The following HS6ST3 variants were observed in gnomAD, a reference collection of about 807,000 sequenced individuals.
HS6ST3 encodes heparan sulfate 6-O-sulfotransferase 3.
A neutral mutation model predicts 36.7 loss-of-function variants in HS6ST3; 12 were observed. The ratio of observed to expected loss-of-function variants is 0.33; its 90% CI spans 0.21 to 0.53. The LOEUF is 0.53. HS6ST3 is among the 20% of genes least tolerant of loss of function. HS6ST3 has a pLI of 0.95. For synonymous variants in HS6ST3, 240 were observed against 257.5 expected (o/e 0.93, Z 0.65); for missense variants, 584 against 640.9 (o/e 0.91, Z 0.96).
Position 96,132,742 on chromosome 13 carries a change from G to A in HS6ST3, c.707+41173G>A, listed in dbSNP as rs142044117. On this transcript the variant is annotated intron_variant, in intron 1 of 1. Transcript: ENST00000376705. ...TATTAATTTATACTCCCCATCAATA[G>A]TGTACAGGTGTCCCTTTTTCTCCAC... Among the ~76,000 whole-genome samples, 564 of 152,218 alleles carry A rather than the reference G, an allele frequency of 3.7e-3. 3 individuals are homozygous for A. Among genetic ancestry groups the A allele is most frequent in the African/African-American group, 0.013 (543 of 41,534 alleles).
chr13:96,515,954 C>T (rs9516715), intron 1 of HS6ST3, among the ~76,000 whole-genome samples: 1 of 152,158 alleles, frequency 6.6e-6, no homozygotes, highest in Admixed American at 6.5e-5. Flanking sequence ...TAGACTCCTA[C>T]TGAAATTCTG....
In HS6ST3 at chr13:96,815,670, A is replaced by G. The variant is rs147971457; in HGVS notation, c.708-16820A>G. On this transcript the variant is annotated intron_variant, in intron 1 of 1. Coordinates refer to ENST00000376705, the MANE Select transcript of HS6ST3 (RefSeq NM_153456.4). ...GAGAGCAGTTGTCTGATAAAATACTATTGTGACCAGATGCACTACGAAAGG... is the reference window on the plus strand; with the variant it reads ...GAGAGCAGTTGTCTGATAAAATACTGTTGTGACCAGATGCACTACGAAAGG... Among the ~76,000 whole-genome samples, 12 of 152,250 alleles carry G rather than the reference A, an allele frequency of 7.9e-5. No homozygotes were observed. In the East Asian group the frequency reaches 1.5e-3, roughly 20 times the overall value.
chr13:96,117,378 C>T (rs1281478651), intron 1 of HS6ST3, among the ~76,000 whole-genome samples: 1 of 152,084 alleles, frequency 6.6e-6, no homozygotes, highest in African/African-American at 2.4e-5. Flanking sequence ...GGAAAATAAC[C>T]TTTAAAAACA....
At chr13:96,109,786 C>T (rs2053859223) in intron 1 of HS6ST3, among the ~76,000 whole-genome samples, 1 of 152,134 alleles carries the variant, frequency 6.6e-6, no homozygotes, top group Non-Finnish European at 1.5e-5. Context: ...TTATTAAGTC[C>T]TTACATCTAG....
chr13:96,102,731 G>C (rs183554917), intron 1 of HS6ST3, among the ~76,000 whole-genome samples: 2 of 152,270 alleles, frequency 1.3e-5, no homozygotes, highest in Admixed American at 1.3e-4. Flanking sequence ...CAATTCATTT[G>C]TTAATTTCTT....
intron 1 of HS6ST3, among the ~76,000 whole-genome samples, chr13:96,827,840 G>A (rs190589644): frequency 2.0e-5 from 3 of 152,292 alleles, no homozygotes; most frequent in Admixed American, 2.0e-4. Context: ...AAGATTTCCA[G>A]TGGAATGATG....
At chr13:96,193,511 TA>T (rs1193655476) in intron 1 of HS6ST3, among the ~76,000 whole-genome samples, 1 of 152,052 alleles carries the variant, frequency 6.6e-6, no homozygotes, top group African/African-American at 2.4e-5. Flanking sequence ...AGGCTAGGGA[TA>T]AAAAAATGCC....
At chr13:96,820,598 T>G (rs1322670216) in intron 1 of HS6ST3, among the ~76,000 whole-genome samples, 1 of 152,206 alleles carries the variant, frequency 6.6e-6, no homozygotes, top group African/African-American at 2.4e-5. Flanking sequence ...CTTCAGCTGT[T>G]TAGGTGAGGA....
chr13:96,756,269 T>TG (rs1876829819), intron 1 of HS6ST3, among the ~76,000 whole-genome samples: 1 of 152,230 alleles, frequency 6.6e-6, no homozygotes, highest in African/African-American at 2.4e-5. Context: ...AAATCCTTTG[T>TG]CAAATATATG....
intron 1 of HS6ST3, among the ~76,000 whole-genome samples, chr13:96,373,528 A>T (rs2055300387): frequency 6.6e-6 from 1 of 152,218 alleles, no homozygotes; most frequent in Non-Finnish European, 1.5e-5. Context: ...ATAATTTAGA[A>T]ATCTGACAGA....
intron 1 of HS6ST3, among the ~76,000 whole-genome samples, chr13:96,465,505 G>A (rs1007938068): frequency 6.6e-6 from 1 of 152,122 alleles, no homozygotes; most frequent in Non-Finnish European, 1.5e-5. Flanking sequence ...CATAGTATAC[G>A]GTTTCATTTA....
intron 1 of HS6ST3, among the ~76,000 whole-genome samples, chr13:96,814,418 A>G (rs1052701196): frequency 4.8e-4 from 73 of 152,120 alleles, no homozygotes; most frequent in African/African-American, 1.7e-3. Flanking sequence ...TTTTTATTCC[A>G]TATATCTAAT....
At chr13:96,664,721 G>C (rs2056657745) in intron 1 of HS6ST3, among the ~76,000 whole-genome samples, 1 of 152,122 alleles carries the variant, frequency 6.6e-6, no homozygotes, top group South Asian at 2.1e-4. Flanking sequence ...GACAGTATCA[G>C]AACTGTTTCT....
intron 1 of HS6ST3, among the ~76,000 whole-genome samples, chr13:96,706,482 G>T (rs1327209488): frequency 6.8e-6 from 1 of 146,186 alleles, no homozygotes; most frequent in Non-Finnish European, 1.5e-5. Flanking sequence ...AATAAGTGAT[G>T]AGTTACTAGG....
At chr13:96,484,029 T>C (rs909184082) in intron 1 of HS6ST3, among the ~76,000 whole-genome samples, 2 of 152,176 alleles carry the variant, frequency 1.3e-5, no homozygotes, top group African/African-American at 4.8e-5. Flanking sequence ...TTGTCTTTGC[T>C]CCTTTGTCAA....
At position 96,690,496 on chromosome 13, in the gene HS6ST3, G is replaced by A. The variant is rs61970575; in HGVS notation, c.708-141994G>A. ...AAATACACATAGACTTCTCTAGTAT[G>A]TGCCCCAGGACCTGCATGGATCATT... On this transcript the variant is annotated intron_variant, in intron 1 of 1. Transcript: ENST00000376705. 7.0e-3 allele frequency among the ~76,000 whole-genome samples: 1,070 copies of A among 152,156 alleles called. 9 individuals carry two copies. Among genetic ancestry groups the A allele is most frequent in the Non-Finnish European group, 0.01 (696 of 67,972 alleles).
chr13:96,703,980 A>G (rs1437927330), intron 1 of HS6ST3, among the ~76,000 whole-genome samples: 1 of 152,152 alleles, frequency 6.6e-6, no homozygotes, highest in African/African-American at 2.4e-5. Flanking sequence ...GCCTTCCACC[A>G]TGATTCTAAG....
chr13:96,573,947 T>A, intron 1 of HS6ST3: 3 of 534,672 alleles, frequency 5.6e-6, no homozygotes, highest in South Asian at 4.2e-5. Context: ...ACAGATGTGC[T>A]GCTACTGCTT....
chr13:96,793,516 A>G lies in HS6ST3; in HGVS notation c.708-38974A>G, dbSNP rs546644127. ...GGGAGGCAGAGAATAAGCAGAAATC[A>G]TCTGTGAAATACAAAACAGCCCAGC... On this transcript the variant is annotated intron_variant, in intron 1 of 1. Transcript: ENST00000376705. 2.0e-5 allele frequency among the ~76,000 whole-genome samples: 3 copies of G among 152,238 alleles called. No individual in the cohort carries two copies. The East Asian group carries it at 5.8e-4, about 30-fold the overall frequency.
Sources: allele counts gnomAD v4.1 joint callset (sites outside exome capture counted in the v4.1 genomes callset), GRCh38; gene constraint gnomAD v4.1.1; transcripts MANE v1.5; gene names NCBI Gene and HGNC (gene_info 2026-07-23, HGNC 2026-07-21).